ARMC8: variants seen among roughly 807,000 people sequenced by gnomAD.
ARMC8 encodes the protein armadillo repeat containing 8.
ARMC8 carries 20 observed loss-of-function variants against 99.3 expected under a neutral mutation model. That is an observed-to-expected ratio of 0.20 (90% confidence interval 0.14 to 0.29). The LOEUF (loss-of-function observed/expected upper bound fraction) is 0.29, where lower values mean the gene tolerates loss of function less well. Among genes scored for constraint, ARMC8 ranks in the 10% least tolerant of loss-of-function variants. The pLI, the probability that ARMC8 is intolerant of heterozygous loss-of-function variation, is 1.00. For synonymous variants in ARMC8, 263 were observed against 278.3 expected, an observed-to-expected ratio of 0.95 and a Z score of 0.55; for missense variants, 569 against 809.5, an observed-to-expected ratio of 0.70 and a Z score of 3.60.
At chr3:138,209,301 A>G (rs1389951304) in intron 1 of ARMC8, among the ~76,000 whole-genome samples, 1 of 152,188 alleles carries the variant, frequency 6.6e-6, no homozygotes, top group African/African-American at 2.4e-5. Flanking sequence ...GCTCGCCACA[A>G]AGGTCCCACT....
intron 1 of ARMC8, among the ~76,000 whole-genome samples, chr3:138,189,745 T>A (rs1458822444): frequency 3.3e-5 from 5 of 152,250 alleles, no homozygotes; most frequent in Non-Finnish European, 7.3e-5. Context: ...GATTTTCCTG[T>A]ACCCTTAACT....
intron 18 of ARMC8, among the ~76,000 whole-genome samples, chr3:138,283,589 T>A (rs2050135833): frequency 6.6e-6 from 1 of 152,236 alleles, no homozygotes; most frequent in South Asian, 2.1e-4. Flanking sequence ...CCCATAATAG[T>A]TACTTAGTAA....
At chr3:138,269,581 G>T (rs1471508474) in intron 15 of ARMC8, among the ~76,000 whole-genome samples, 1 of 152,162 alleles carries the variant, frequency 6.6e-6, no homozygotes, top group South Asian at 2.1e-4. Context: ...GGTTTTCTAA[G>T]TTCCTTTATA....
chr3:138,233,824 A>G (rs942913142), intron 6 of ARMC8, among the ~76,000 whole-genome samples: 1 of 152,198 alleles, frequency 6.6e-6, no homozygotes, highest in Non-Finnish European at 1.5e-5. Context: ...ACCGATAGCC[A>G]ACCTTTGTGA....
At chr3:138,198,577 G>A (rs140559840) in intron 1 of ARMC8, among the ~76,000 whole-genome samples, 38 of 151,756 alleles carry the variant, frequency 2.5e-4, no homozygotes, top group Non-Finnish European at 5.3e-4. Context: ...CAGTGGCACC[G>A]TCTCGGCTCA....
At chr3:138,245,028 A>T in intron 11 of ARMC8, 60 bp from the exon 12 acceptor site, 1 of 1,565,832 alleles carries the variant, frequency 6.4e-7, no homozygotes, top group Non-Finnish European at 8.7e-7. Context: ...CAACTCAGTT[A>T]ATGTTATTGA....
At chr3:138,198,435 C>T (rs2043859913) in intron 1 of ARMC8, among the ~76,000 whole-genome samples, 1 of 151,792 alleles carries the variant, frequency 6.6e-6, no homozygotes, top group South Asian at 2.1e-4. Context: ...AGAGTCAGAT[C>T]TCCAGACTCC....
rs1559893077 is a variant in ARMC8 at position 138,187,516 on chromosome 3, CGCGCCGGCGCCT to C, written c.-36_-25del. On this transcript the variant is annotated 5_prime_UTR_variant, in exon 1 of 22. Transcript: ENST00000469044. ...GTTGGCTGTCGAAAGTGCCGGCCCC[CGCGCCGGCGCCT>C]GCAGCAGCCGGGTGGGAAGGCTCAA... 25 of 1,534,838 alleles carry C rather than the reference CGCGCCGGCGCCT, an allele frequency of 1.6e-5. No homozygotes were observed. Among genetic ancestry groups the C allele is most frequent in the Non-Finnish European group, 2.0e-5 (23 of 1,145,930 alleles).
rs1357649767 is a variant in ARMC8, at chr3:138,187,574, C to T, written c.20C>T (p.Thr7Ile). Residue 7 changes from threonine to isoleucine, a missense_variant, in exon 1 of 22, where the codon ACC becomes ATC. Transcript: ENST00000469044. ...CTCAAGATGGCGTGCTTGTTGGAGA[C>T]CCCAATCCGCATGAGCGTCCTTTCG... MACLLE[T>I]PIRMSVLSEV... 6 of 1,535,744 alleles carry T rather than the reference C, an allele frequency of 3.9e-6. No homozygotes were observed. The highest frequency in any genetic ancestry group is 2.0e-5 in the Admixed American group (1 of 50,984).
At chr3:138,255,199 T>G (rs928595323) in intron 12 of ARMC8, among the ~76,000 whole-genome samples, 21 of 145,412 alleles carry the variant, frequency 1.4e-4, no homozygotes, top group South Asian at 2.1e-4. Flanking sequence ...CTGTTTTTTT[T>G]TTTTTTGTTT....
chr3:138,257,355 G>T (rs1031313429), intron 12 of ARMC8, among the ~76,000 whole-genome samples: 4 of 152,128 alleles, frequency 2.6e-5, no homozygotes, highest in African/African-American at 9.7e-5. Flanking sequence ...CACATTAGGT[G>T]CTCAAGCATT....
intron 21 of ARMC8, 110 bp downstream of exon 21, chr3:138,290,749 C>T: frequency 2.8e-6 from 2 of 707,142 alleles, no homozygotes; most frequent in Non-Finnish European, 4.7e-6. Flanking sequence ...CTTTTAGATT[C>T]TTAGATTTTC....
chr3:138,236,086 G>A (rs771718502), intron 7 of ARMC8, among the ~76,000 whole-genome samples: 6 of 152,066 alleles, frequency 3.9e-5, no homozygotes, highest in Admixed American at 1.3e-4. Flanking sequence ...GATTACAGGC[G>A]TGAGCCACCG....
chr3:138,266,465 T>C (rs1163512836), intron 14 of ARMC8, among the ~76,000 whole-genome samples: 2 of 152,188 alleles, frequency 1.3e-5, no homozygotes, highest in Non-Finnish European at 2.9e-5. Context: ...ACCTATTTAG[T>C]TGTTGAGCCC....
At chr3:138,256,637 C>T (rs1294019122) in intron 12 of ARMC8, among the ~76,000 whole-genome samples, 3 of 151,964 alleles carry the variant, frequency 2.0e-5, no homozygotes, top group Non-Finnish European at 4.4e-5. Context: ...TTCTCGATGT[C>T]CCGACCTCGT....
chr3:138,206,114 T>C (rs2044359365), intron 1 of ARMC8, among the ~76,000 whole-genome samples: 1 of 152,242 alleles, frequency 6.6e-6, no homozygotes, highest in African/African-American at 2.4e-5. Context: ...ATCTGATGTA[T>C]AGTTTATACA....
chr3:138,226,843 A>C (rs2108099697), intron 5 of ARMC8, among the ~76,000 whole-genome samples: 1 of 152,310 alleles, frequency 6.6e-6, no homozygotes, highest in South Asian at 2.1e-4. Context: ...ACATGAGAAA[A>C]TTGAGACCCC....
At chr3:138,289,588 A>G (rs962885367) in intron 20 of ARMC8, among the ~76,000 whole-genome samples, 4 of 152,188 alleles carry the variant, frequency 2.6e-5, no homozygotes, top group Non-Finnish European at 5.9e-5. Context: ...GGAGGCCTGT[A>G]TAGATCAGAG....
Position 138,297,149 on chromosome 3 carries a change from A to G in ARMC8, c.*1257A>G. 6.6e-6 allele frequency: 1 copy of G among 152,238 alleles called. No individual in the cohort carries two copies. The highest frequency in any genetic ancestry group is 1.5e-5 in the Non-Finnish European group (1 of 68,044). The allele number at this position is 152,238 out of a possible 1,614,324, so 9.4% of individuals were successfully genotyped here. A position where few individuals can be genotyped will look rare whatever the true frequency, so the allele number is the denominator to read the frequency against. ...GTAAAACGAGATTGAAATTTAATAAAAGATGCAACTAAAATCTTTCCTGCA... is the reference window on the plus strand; with the variant it reads ...GTAAAACGAGATTGAAATTTAATAAGAGATGCAACTAAAATCTTTCCTGCA... On this transcript the variant is annotated 3_prime_UTR_variant, in exon 22 of 22. Transcript: ENST00000469044.
Sources: gnomAD v4.1 joint callset for allele counts (sites outside exome capture counted in the v4.1 genomes callset) on GRCh38, gnomAD v4.1.1 for gene constraint, MANE v1.5 for transcripts, NCBI Gene and HGNC (gene_info 2026-07-23, HGNC 2026-07-21) for gene names.